The following GALNT10 variants were observed in gnomAD, a reference collection of about 807,000 sequenced individuals.
GALNT10 encodes the protein polypeptide N-acetylgalactosaminyltransferase 10.
GALNT10 carries 41 observed loss-of-function variants against 75.0 expected under a neutral mutation model. The observed-to-expected ratio is 0.55, with a 90% CI of 0.43 to 0.71. The LOEUF is 0.71. Ranked by LOEUF, GALNT10 falls within the 30% of genes least tolerant of loss-of-function variation. The pLI is 0.00. For synonymous variants in GALNT10, 302 were observed against 313.0 expected (o/e 0.96, Z 0.37); for missense variants, 727 against 818.5 (o/e 0.89, Z 1.36).
At chr5:154,212,911 T>C (rs1225749123) in intron 1 of GALNT10, among the ~76,000 whole-genome samples, 1 of 148,510 alleles carries the variant, frequency 6.7e-6, no homozygotes, top group East Asian at 2.0e-4. Context: ...GAGCTTGCAG[T>C]GAGCGGAGAT....
At chr5:154,349,795 A>G (rs1755179885) in intron 4 of GALNT10, 1 of 152,122 alleles carries the variant, frequency 6.6e-6, no homozygotes, top group African/African-American at 2.4e-5. Context: ...GACTATTTGA[A>G]ATTAGAGCTG....
chr5:154,399,756 G>C (rs1241158471), intron 7 of GALNT10, among the ~76,000 whole-genome samples: 1 of 152,216 alleles, frequency 6.6e-6, no homozygotes, highest in Non-Finnish European at 1.5e-5. Flanking sequence ...GGCACTGGGG[G>C]TCCAATGGCA....
At chr5:154,246,615 A>G (rs1196735554) in intron 1 of GALNT10, among the ~76,000 whole-genome samples, 2 of 152,134 alleles carry the variant, frequency 1.3e-5, no homozygotes, top group Non-Finnish European at 2.9e-5. Flanking sequence ...TTCTTTTGAG[A>G]AGTGTCTGTT....
intron 1 of GALNT10, among the ~76,000 whole-genome samples, chr5:154,242,013 C>T (rs939736026): frequency 1.3e-5 from 2 of 152,162 alleles, no homozygotes; most frequent in Non-Finnish European, 1.5e-5. Context: ...CTTACAGTGC[C>T]CAGTCCTTCA....
chr5:154,355,479 C>T (rs1755275574), intron 4 of GALNT10, among the ~76,000 whole-genome samples: 1 of 152,154 alleles, frequency 6.6e-6, no homozygotes, highest in Admixed American at 6.5e-5. Context: ...CCTGGCCCTG[C>T]CTCTCAAGCT....
chr5:154,265,690 G>T (rs567751741), intron 1 of GALNT10, among the ~76,000 whole-genome samples: 84 of 152,298 alleles, frequency 5.5e-4, no homozygotes, highest in Non-Finnish European at 5.3e-4. Flanking sequence ...ATATGTCCTG[G>T]TTTAGTGCAT....
rs564434668 is a variant in GALNT10, at chr5:154,236,482, C to T, written c.159+45457C>T. Among the ~76,000 whole-genome samples the T allele has an allele frequency of 1.4e-3, 213 of 152,254 alleles. 1 individual carries two copies. Among genetic ancestry groups the T allele is most frequent in the African/African-American group, 4.8e-3 (201 of 41,546 alleles). ...TTGTTTTAGGCTTAAATTGTAGGCT[C>T]CTCTGGTCTTCTTTTTAGCATCTGT... is the stretch of plus-strand genomic sequence containing the variant. On this transcript the variant is annotated intron_variant, in intron 1 of 11. Coordinates refer to ENST00000297107, the MANE Select transcript of GALNT10 (RefSeq NM_198321.4).
In GALNT10 at chr5:154,376,526, C is replaced by T; in HGVS notation, c.754+64C>T. The T allele has an allele frequency of 8.2e-7, 1 of 1,221,936 alleles. No individual in the cohort carries two copies. The highest frequency in any genetic ancestry group is 1.1e-6 in the Non-Finnish European group (1 of 874,470). The allele number at this position is 1,221,936 out of a possible 1,614,324, so 75.7% of individuals were successfully genotyped here. ...AATGAGCCAGTGCCAGTGGCCCCCT[C>T]CTGCTGCAGGGAGCCATCCATAAGC... On this transcript the variant is annotated intron_variant, in intron 5 of 11. Coordinates refer to ENST00000297107, the MANE Select transcript of GALNT10 (RefSeq NM_198321.4). This position sits in a 1 kb window ranked among gnomAD's most constrained non-coding sequence, Gnocchi z 4.1.
chr5:154,211,725 G>A (rs1365738623), intron 1 of GALNT10, among the ~76,000 whole-genome samples: 2 of 152,146 alleles, frequency 1.3e-5, no homozygotes, highest in Non-Finnish European at 2.9e-5. Flanking sequence ...AACCGGAGCC[G>A]GTTAATCTAC....
intron 7 of GALNT10, among the ~76,000 whole-genome samples, chr5:154,400,750 T>C (rs1756144541): frequency 6.6e-6 from 1 of 151,432 alleles, no homozygotes; most frequent in African/African-American, 2.4e-5. Flanking sequence ...GAAGGATGAG[T>C]ATGAGGTAGC....
At position 154,317,927 on chromosome 5, in the gene GALNT10, C is replaced by T. The variant is rs940684870; in HGVS notation, c.402-11645C>T. Among the ~76,000 whole-genome samples the T allele has an allele frequency of 7.2e-5, 11 of 152,348 alleles. 1 individual carries two copies. Among genetic ancestry groups the T allele is most frequent in the Middle Eastern group, 3.4e-3 (1 of 294 alleles). ...ACTTCATTCTGAGGCAAGGAACAGT[C>T]CACATGGTTGCCCCAGGCAGACCAG... is the stretch of plus-strand genomic sequence containing the variant. On this transcript the variant is annotated intron_variant, in intron 3 of 11. Coordinates refer to ENST00000297107, the MANE Select transcript of GALNT10 (RefSeq NM_198321.4).
chr5:154,415,770 C>T lies in GALNT10; in HGVS notation c.1504-13C>T. On this transcript the variant is annotated splice_polypyrimidine_tract_variant and intron_variant, in intron 10 of 11. Transcript: ENST00000297107. Reference sequence around the variant, plus strand: ...GGCTTTGCTATCCCTATTTATGATGCCCCTGTGCACAGGTATTCACCTTCA... The same window carrying T: ...GGCTTTGCTATCCCTATTTATGATGTCCCTGTGCACAGGTATTCACCTTCA... The T allele has an allele frequency of 6.2e-7, 1 of 1,605,284 alleles. No homozygotes were observed. Among genetic ancestry groups the T allele is most frequent in the Non-Finnish European group, 8.5e-7 (1 of 1,174,822 alleles).
intron 1 of GALNT10, among the ~76,000 whole-genome samples, chr5:154,284,202 A>T (rs1270365599): frequency 6.6e-6 from 1 of 152,210 alleles, no homozygotes; most frequent in Non-Finnish European, 1.5e-5. Context: ...AGGTACTATT[A>T]ATTTCCCCCA....
intron 1 of GALNT10, among the ~76,000 whole-genome samples, chr5:154,248,221 T>C (rs1753461694): frequency 6.6e-6 from 1 of 152,266 alleles, no homozygotes; most frequent in Non-Finnish European, 1.5e-5. Flanking sequence ...GCCAGTATTT[T>C]ATTGAGGATT....
At chr5:154,291,542 T>G (rs1454309523) in intron 1 of GALNT10, among the ~76,000 whole-genome samples, 1 of 152,192 alleles carries the variant, frequency 6.6e-6, no homozygotes, top group Non-Finnish European at 1.5e-5. Flanking sequence ...TGATGAACAC[T>G]CAATCTTTCT....
At chr5:154,297,842 T>C in intron 2 of GALNT10, 99 bp from the exon 3 acceptor site, 1 of 1,126,872 alleles carries the variant, frequency 8.9e-7, no homozygotes. Flanking sequence ...AATCAAGTTT[T>C]ATCTTGGAGG....
At chr5:154,250,520 C>CATGTACAGCATGT (rs1201930158) in intron 1 of GALNT10, among the ~76,000 whole-genome samples, 1 of 152,168 alleles carries the variant, frequency 6.6e-6, no homozygotes, top group Admixed American at 6.5e-5. Context: ...CTTAAATGTA[C>CATGTACAGCATGT]ATGTACAGCA....
At chr5:154,358,659 C>A (rs1052646563) in intron 4 of GALNT10, among the ~76,000 whole-genome samples, 3 of 152,126 alleles carry the variant, frequency 2.0e-5, no homozygotes, top group Admixed American at 6.6e-5. Context: ...TTCACCACTG[C>A]CAGTAATGAC....
intron 2 of GALNT10, among the ~76,000 whole-genome samples, chr5:154,295,822 A>C (rs918307471): frequency 3.3e-5 from 5 of 152,226 alleles, no homozygotes; most frequent in Admixed American, 3.3e-4. Context: ...GAGGGTGCCA[A>C]ATAAAGCAAT....
Sources: allele counts gnomAD v4.1 joint callset (sites outside exome capture counted in the v4.1 genomes callset), GRCh38; gene constraint gnomAD v4.1.1; non-coding constraint Gnocchi (gnomAD v3.1); transcripts MANE v1.5; gene names NCBI Gene and HGNC (gene_info 2026-07-23, HGNC 2026-07-21).